SLCO1B1: variants seen among roughly 807,000 people sequenced by gnomAD.
The protein encoded by SLCO1B1 is OATP-2.
SLCO1B1 carries 81 observed loss-of-function variants against 70.1 expected under a neutral mutation model. That is an observed-to-expected ratio of 1.16 (90% CI 0.97 to 1.39). SLCO1B1 has a LOEUF of 1.39. Ranked by LOEUF, SLCO1B1 falls within the 40% of genes most tolerant of loss-of-function variation. The pLI is 0.00. For synonymous variants in SLCO1B1, 283 were observed against 271.5 expected (o/e 1.04, Z -0.42); for missense variants, 895 against 799.6 (o/e 1.12, Z -1.44).
intron 11 of SLCO1B1, among the ~76,000 whole-genome samples, chr12:21,209,628 C>T (rs11519273): frequency 0.19 from 28,867 of 151,372 alleles, 3,071 homozygotes; most frequent in East Asian, 0.44. Flanking sequence ...TCTGAGGAAT[C>T]GCCACACTGA....
intron 1 of SLCO1B1, among the ~76,000 whole-genome samples, chr12:21,137,180 G>A (rs924195730): frequency 3.9e-5 from 6 of 152,124 alleles, no homozygotes; most frequent in Non-Finnish European, 7.3e-5. Flanking sequence ...CTGCCTGATC[G>A]TTCCTCTGGA....
intron 14 of SLCO1B1, among the ~76,000 whole-genome samples, chr12:21,232,413 A>G (rs1023282525): frequency 3.3e-5 from 5 of 152,160 alleles, no homozygotes; most frequent in Admixed American, 2.6e-4. Context: ...TACAAGATCA[A>G]GCTCCCACGG....
rs551457446 is a variant in SLCO1B1 at position 21,228,920 on chromosome 12, C to G, written c.1865+4081C>G. 2.0e-5 allele frequency among the ~76,000 whole-genome samples: 3 copies of G among 152,018 alleles called. No individual in the cohort carries two copies. In the East Asian group the frequency reaches 5.8e-4, roughly 29 times the overall value. On this transcript the variant is annotated intron_variant, in intron 14 of 14. Transcript: ENST00000256958. ...AATGACCAACCCTCTTTGGGACTTA[C>G]CACATTGTAGCTAACTCATGGCCCT...
intron 14 of SLCO1B1, among the ~76,000 whole-genome samples, chr12:21,234,135 G>C (rs1941571956): frequency 1.3e-5 from 2 of 152,108 alleles, no homozygotes; most frequent in Non-Finnish European, 1.5e-5. Flanking sequence ...TTGGTGGGTA[G>C]GGGGGCCAGT....
intron 4 of SLCO1B1, among the ~76,000 whole-genome samples, chr12:21,176,410 C>CA (rs1940821911): frequency 6.6e-6 from 1 of 152,044 alleles, no homozygotes; most frequent in Admixed American, 6.6e-5. Context: ...GAAAATCTGA[C>CA]AGACTGATCA....
intron 2 of SLCO1B1, among the ~76,000 whole-genome samples, chr12:21,146,539 A>G (rs73244866): frequency 0.012 from 1,813 of 152,046 alleles, 48 homozygotes; most frequent in African/African-American, 0.041. Context: ...TTAGATATTG[A>G]TTTTAGCATT....
In SLCO1B1 at chr12:21,181,102, A is replaced by G. The variant is rs187900521; in HGVS notation, c.727+2082A>G. ...CTTTTGGTTGTGAACTGCTCTCCCC[A>G]TGCATCCAAAAGCACTTGTGTTCCT... On this transcript the variant is annotated intron_variant, in intron 7 of 14. Coordinates refer to ENST00000256958, the MANE Select transcript of SLCO1B1 (RefSeq NM_006446.5). 1.9e-3 allele frequency among the ~76,000 whole-genome samples: 289 copies of G among 152,318 alleles called. 1 individual carries two copies. The highest frequency in any genetic ancestry group is 8.0e-3 in the Admixed American group (122 of 15,304).
In SLCO1B1 at chr12:21,222,397, A is replaced by AATATATAT. The variant is rs751514211; in HGVS notation, c.1747+57_1747+64dup. ...GAAAAAAAAAAAAAAAAAAAAAAAA[A>AATATATAT]ATATATATATATATATATATATATA... On this transcript the variant is annotated intron_variant, in intron 13 of 14. Transcript: ENST00000256958. The AATATATAT allele has an allele frequency of 4.6e-3, 445 of 97,612 alleles. 5 individuals are homozygous for AATATATAT. The highest frequency in any genetic ancestry group is 0.011 in the East Asian group (30 of 2,702). 6.0% of individuals were successfully genotyped at this position (97,612 alleles called of 1,614,324 possible).
At chr12:21,150,728 G>A (rs1009603511) in intron 2 of SLCO1B1, among the ~76,000 whole-genome samples, 1 of 152,086 alleles carries the variant, frequency 6.6e-6, no homozygotes, top group African/African-American at 2.4e-5. Context: ...ATAAATCCAC[G>A]AAGATGAGGA....
intron 9 of SLCO1B1, 110 bp downstream of exon 9, chr12:21,200,782 A>G: frequency 1.1e-6 from 1 of 883,518 alleles, no homozygotes; most frequent in Non-Finnish European, 1.7e-6. Flanking sequence ...AATACAGGAT[A>G]AGTATAATTT....
chr12:21,179,227 A>G (rs1041812624), intron 7 of SLCO1B1, among the ~76,000 whole-genome samples: 9 of 152,192 alleles, frequency 5.9e-5, no homozygotes, highest in African/African-American at 2.2e-4. Flanking sequence ...TAAGTGTAAA[A>G]TGAGAGAATG....
In SLCO1B1 at chr12:21,239,402, TG is replaced by T. The variant is rs2121217968; in HGVS notation, c.*215del. Among the ~76,000 whole-genome samples, 1 of 152,174 alleles carries T rather than the reference TG, an allele frequency of 6.6e-6. No homozygotes were observed. Among genetic ancestry groups the T allele is most frequent in the East Asian group, 1.9e-4 (1 of 5,202 alleles). On this transcript the variant is annotated 3_prime_UTR_variant, in exon 15 of 15. Transcript: ENST00000256958. Reference sequence around the variant, plus strand: ...TTGTTACATTATAGCTACATATTTGTGGTTAAGGTTAGACTATATGATCCAT... The same window carrying T: ...TTGTTACATTATAGCTACATATTTGTGTTAAGGTTAGACTATATGATCCAT...
chr12:21,208,961 T>C (rs1297794758), intron 11 of SLCO1B1, among the ~76,000 whole-genome samples: 10 of 152,066 alleles, frequency 6.6e-5, no homozygotes, highest in Non-Finnish European at 1.5e-4. Context: ...ACTAATTTTT[T>C]TCCATTGATT....
At chr12:21,140,218 C>T (rs143315135) in intron 1 of SLCO1B1, among the ~76,000 whole-genome samples, 1,913 of 152,100 alleles carry the variant, frequency 0.013, 19 homozygotes, top group Middle Eastern at 0.021. Context: ...CAACAAGTAT[C>T]AACTGTACAT....
intron 1 of SLCO1B1, among the ~76,000 whole-genome samples, chr12:21,138,252 AG>A (rs1424558084): frequency 1.3e-5 from 2 of 152,190 alleles, no homozygotes; most frequent in African/African-American, 4.8e-5. Flanking sequence ...AGCTTGACAC[AG>A]ATAAGTAGAG....
chr12:21,143,067 T>A (rs971933864), intron 2 of SLCO1B1, among the ~76,000 whole-genome samples: 2 of 152,214 alleles, frequency 1.3e-5, no homozygotes, highest in East Asian at 3.9e-4. Context: ...TCACTTAAAT[T>A]GTTAACATTG....
At chr12:21,162,602 A>C (rs1940634768) in intron 2 of SLCO1B1, among the ~76,000 whole-genome samples, 2 of 152,182 alleles carry the variant, frequency 1.3e-5, no homozygotes, top group Non-Finnish European at 2.9e-5. Context: ...CAGATAAATG[A>C]AGTGAGACGT....
intron 7 of SLCO1B1, among the ~76,000 whole-genome samples, chr12:21,190,027 G>T (rs1188299748): frequency 1.3e-5 from 2 of 152,116 alleles, no homozygotes; most frequent in Non-Finnish European, 2.9e-5. Flanking sequence ...CAGTCAGAGT[G>T]GTGGAAGAAG....
chr12:21,225,897 G>A (rs1941477226), intron 14 of SLCO1B1, among the ~76,000 whole-genome samples: 1 of 152,126 alleles, frequency 6.6e-6, no homozygotes. Flanking sequence ...ATGCACCTAG[G>A]TATTTACCTA....
Sources: allele counts gnomAD v4.1 joint callset (sites outside exome capture counted in the v4.1 genomes callset), GRCh38; gene constraint gnomAD v4.1.1; transcripts MANE v1.5; gene names NCBI Gene and HGNC (gene_info 2026-07-23, HGNC 2026-07-21).